Variants in NFIB observed in about 807,000 individuals in gnomAD.
NFIB encodes nuclear factor 1 B-type.
A neutral mutation model predicts 61.5 loss-of-function variants in NFIB; 11 were observed. The ratio of observed to expected loss-of-function variants is 0.18; its 90% CI spans 0.11 to 0.30. The LOEUF is 0.30. Ranked by LOEUF, NFIB falls within the 10% of genes least tolerant of loss-of-function variation. The pLI is 1.00. For synonymous variants in NFIB, 260 were observed against 216.5 expected, an observed-to-expected ratio of 1.20 and a Z score of -1.76; for missense variants, 471 against 608.9, an observed-to-expected ratio of 0.77 and a Z score of 2.38.
the NFIB span, among the ~76,000 whole-genome samples, chr9:14,404,969 T>C: frequency 6.6e-6 from 1 of 152,210 alleles, no homozygotes; most frequent in Non-Finnish European, 1.5e-5. Flanking sequence ...CCGTGTAGTT[T>C]TTTACCTATT....
intron 2 of NFIB, among the ~76,000 whole-genome samples, chr9:14,194,973 C>A (rs2048322350): frequency 6.6e-6 from 1 of 151,828 alleles, no homozygotes; most frequent in Non-Finnish European, 1.5e-5. Flanking sequence ...CTCTCTCTTT[C>A]ACAAAAGAGA....
At chr9:14,385,883 A>G (rs2061543990) in intron 1 of NFIB, among the ~76,000 whole-genome samples, 1 of 151,890 alleles carries the variant, frequency 6.6e-6, no homozygotes. Context: ...CCCGGGTTCA[A>G]GTGATTCTCC....
intron 6 of NFIB, among the ~76,000 whole-genome samples, chr9:14,128,779 G>C (rs2040033659): frequency 6.6e-6 from 1 of 151,782 alleles, no homozygotes; most frequent in Non-Finnish European, 1.5e-5. Context: ...CTGGAGAAGA[G>C]GATCAATTAA....
intron 2 of NFIB, among the ~76,000 whole-genome samples, chr9:14,268,023 T>C (rs1022748609): frequency 1.3e-4 from 20 of 151,164 alleles, no homozygotes; most frequent in African/African-American, 4.9e-4. Flanking sequence ...TCCCAGCTGA[T>C]ACTCAGGAGG....
At chr9:14,478,202 G>A in the NFIB span, among the ~76,000 whole-genome samples, 1 of 152,150 alleles carries the variant, frequency 6.6e-6, no homozygotes, top group Non-Finnish European at 1.5e-5. Context: ...TTATTGGCCA[G>A]ACTTCCTACT....
At chr9:14,139,467 A>C (rs1452058580) in intron 6 of NFIB, among the ~76,000 whole-genome samples, 2 of 152,194 alleles carry the variant, frequency 1.3e-5, no homozygotes, top group African/African-American at 2.4e-5. Flanking sequence ...CTATGACATT[A>C]TCTCCCATGG....
chr9:14,355,890 G>GAGCTTGC (rs1329028378), intron 1 of NFIB, among the ~76,000 whole-genome samples: 1 of 152,004 alleles, frequency 6.6e-6, no homozygotes, highest in Non-Finnish European at 1.5e-5. Context: ...CCGGGAGGCG[G>GAGCTTGC]AGCTTGCAGT....
At chr9:14,288,836 T>C (rs1029457623) in intron 2 of NFIB, among the ~76,000 whole-genome samples, 3 of 152,046 alleles carry the variant, frequency 2.0e-5, no homozygotes, top group African/African-American at 7.2e-5. Context: ...CCTTAAAATA[T>C]TGAAAACAGT....
At chr9:14,331,586 G>A (rs912586926) in intron 1 of NFIB, among the ~76,000 whole-genome samples, 7 of 152,192 alleles carry the variant, frequency 4.6e-5, no homozygotes, top group African/African-American at 1.7e-4. Context: ...GGTTGAAAAC[G>A]AGGCATGTCA....
At chr9:14,518,650 G>A in the NFIB span, among the ~76,000 whole-genome samples, 10 of 151,358 alleles carry the variant, frequency 6.6e-5, no homozygotes, top group Non-Finnish European at 1.5e-4. Flanking sequence ...CAAGACTACG[G>A]AAAGAAACTC....
chr9:14,213,333 T>G (rs2050511548), intron 2 of NFIB, among the ~76,000 whole-genome samples: 1 of 152,158 alleles, frequency 6.6e-6, no homozygotes, highest in Admixed American at 6.5e-5. Flanking sequence ...GCCCCCAGGT[T>G]CCTTGTTAGT....
chr9:14,118,283 C>T (rs2038426301), intron 8 of NFIB, among the ~76,000 whole-genome samples: 1 of 152,068 alleles, frequency 6.6e-6, no homozygotes. Flanking sequence ...AAAAATGTTT[C>T]TACATACAGT....
the NFIB span, among the ~76,000 whole-genome samples, chr9:14,470,961 G>T: frequency 6.6e-6 from 1 of 152,176 alleles, no homozygotes. Flanking sequence ...ATGAGGCAGG[G>T]TGCCTAAAAG....
chr9:14,419,889 CAA>C, the NFIB span, among the ~76,000 whole-genome samples: 1 of 152,216 alleles, frequency 6.6e-6, no homozygotes, highest in East Asian at 1.9e-4. Context: ...GTGAATAGAC[CAA>C]AAAGTATAGA....
rs77847482 is a variant in NFIB, at chr9:14,193,886, C to G, written c.563-14106G>C. Among the ~76,000 whole-genome samples, 50 of 152,254 alleles carry G rather than the reference C, an allele frequency of 3.3e-4. No individual in the cohort carries two copies. In the East Asian group the frequency reaches 9.7e-3, roughly 29 times the overall value. ...TTTGGATAGAACTAACAGGATGACA[C>G]TGGTGATGGATGTGCACACTTAGCT... On this transcript the variant is annotated intron_variant, in intron 2 of 10. Coordinates refer to ENST00000380953, the MANE Select transcript of NFIB (RefSeq NM_001190737.2).
At chr9:14,510,817 T>C in the NFIB span, among the ~76,000 whole-genome samples, 1 of 152,232 alleles carries the variant, frequency 6.6e-6, no homozygotes, top group African/African-American at 2.4e-5. Context: ...CCTTCATTTC[T>C]ATGTGTTTTT....
rs758788050 is a variant in NFIB at position 14,150,284 on chromosome 9, A to C, written c.686-19T>G. 2.5e-5 allele frequency: 40 copies of C among 1,612,800 alleles called. No individual in the cohort carries two copies. The highest frequency in any genetic ancestry group is 3.4e-5 in the Non-Finnish European group (40 of 1,179,218). ...ATGGGCGCTGAGGAATAAGACAAAG[A>C]AGCACTGGGAATGACATTCGTATTT... is the stretch of plus-strand genomic sequence containing the variant. On this transcript the variant is annotated intron_variant, in intron 4 of 10. Coordinates refer to ENST00000380953, the MANE Select transcript of NFIB (RefSeq NM_001190737.2).
chr9:14,402,983 G>A (rs2061756583), upstream of NFIB, among the ~76,000 whole-genome samples: 1 of 152,192 alleles, frequency 6.6e-6, no homozygotes, highest in African/African-American at 2.4e-5. Context: ...TGCAAATACA[G>A]TACCAGGAGG....
the NFIB span, among the ~76,000 whole-genome samples, chr9:14,418,849 A>G: frequency 1.3e-5 from 2 of 152,196 alleles, no homozygotes; most frequent in African/African-American, 4.8e-5. Context: ...AAAATGGTAT[A>G]TGCATAAGTC....
Sources: gnomAD v4.1 joint callset for allele counts (sites outside exome capture counted in the v4.1 genomes callset) on GRCh38, gnomAD v4.1.1 for gene constraint, MANE v1.5 for transcripts, NCBI Gene and HGNC (gene_info 2026-07-23, HGNC 2026-07-21) for gene names.